Variants in CACNA1G observed in about 807,000 individuals in gnomAD.
CACNA1G encodes calcium voltage-gated channel subunit alpha1 G.
In CACNA1G, 67 loss-of-function variants were observed where a neutral mutation model predicts 219.4. The observed-to-expected ratio is 0.31, with a 90% confidence interval of 0.25 to 0.37. CACNA1G has a LOEUF of 0.37. Ranked by LOEUF, CACNA1G falls within the 10% of genes least tolerant of loss-of-function variation. The probability of loss-of-function intolerance (pLI) is 1.00; values close to 1 mark genes in which losing one functional copy is unlikely to be tolerated. For missense variants in CACNA1G, 2,380 were observed against 3,231.4 expected (o/e 0.74, Z 6.39); for synonymous variants, 1,296 against 1,345.3 (o/e 0.96, Z 0.80).
Position 50,626,754 on chromosome 17 carries a change from C to T in CACNA1G, c.*3C>T. 2 of 1,613,076 alleles carry T rather than the reference C, an allele frequency of 1.2e-6. No individual in the cohort carries two copies. Among genetic ancestry groups the T allele is most frequent in the Non-Finnish European group, 1.7e-6 (2 of 1,179,900 alleles). ...ACCCAGCAGACCTGGACCCCTGAGT[C>T]CTGCCCCACTTTCCCACTCACCTTT... On this transcript the variant is annotated 3_prime_UTR_variant, in exon 38 of 38. Coordinates refer to ENST00000359106, the MANE Select transcript of CACNA1G (RefSeq NM_018896.5). This position sits in a 1 kb window ranked among gnomAD's most constrained non-coding sequence, Gnocchi z 4.3.
intron 37 of CACNA1G, 48 bp from the exon 38 acceptor site, chr17:50,625,969 A>G (rs1419349843): frequency 1.3e-6 from 2 of 1,554,262 alleles, no homozygotes; most frequent in South Asian, 2.4e-5. Context: ...GGGCTAGTCC[A>G]TGCTGGAGAG....
At chr17:50,574,664 C>A (rs11659108) in intron 7 of CACNA1G, among the ~76,000 whole-genome samples, 1 of 152,192 alleles carries the variant, frequency 6.6e-6, no homozygotes, top group African/African-American at 2.4e-5. Context: ...CACACACCCC[C>A]TGAAAAATCT....
chr17:50,602,058 C>T (rs2046791081), intron 19 of CACNA1G, among the ~76,000 whole-genome samples: 1 of 152,224 alleles, frequency 6.6e-6, no homozygotes, highest in African/African-American at 2.4e-5. Context: ...CAGGGTAAGG[C>T]AGGGGCGCTG....
At position 50,600,584 on chromosome 17, in the gene CACNA1G, T is replaced by A; in HGVS notation, c.3691-142T>A. On this transcript the variant is annotated intron_variant, in intron 17 of 37. Transcript: ENST00000359106. The surrounding 1 kb of genome is among the most constrained non-coding windows in gnomAD (Gnocchi z 4.1). ...GGAGATGAGGAGGTGGCTTTAGGAA[T>A]AAAGGAAGAGAGGCAGGGCAGAGCT... 1.5e-6 allele frequency: 1 copy of A among 686,988 alleles called. No individual in the cohort carries two copies. Among genetic ancestry groups the A allele is most frequent in the Non-Finnish European group, 2.6e-6 (1 of 388,080 alleles). The allele number at this position is 686,988 out of a possible 1,614,324, so 42.6% of individuals were successfully genotyped here. A position where few individuals can be genotyped will look rare whatever the true frequency, so the allele number is the denominator to read the frequency against.
intron 4 of CACNA1G, 57 bp downstream of exon 4, chr17:50,569,860 C>G: frequency 7.7e-7 from 1 of 1,305,764 alleles, no homozygotes; most frequent in East Asian, 2.5e-5. Flanking sequence ...AAATGTGGAA[C>G]TCTCAGACCC....
chr17:50,596,307 G>T lies in CACNA1G; in HGVS notation c.2980-255G>T, dbSNP rs965298254. ...CCAGCCTTGGTGACCGTTCAGCCAGGCTGGTTGTGCTGTGGGCTCACATAA... is the reference window on the plus strand; with the variant it reads ...CCAGCCTTGGTGACCGTTCAGCCAGTCTGGTTGTGCTGTGGGCTCACATAA... On this transcript the variant is annotated intron_variant, in intron 14 of 37. Transcript: ENST00000359106. The surrounding 1 kb of genome is among the most constrained non-coding windows in gnomAD (Gnocchi z 4.8). Among the ~76,000 whole-genome samples the T allele has an allele frequency of 6.6e-6, 1 of 152,206 alleles. No homozygotes were observed. The highest frequency in any genetic ancestry group is 1.5e-5 in the Non-Finnish European group (1 of 68,042).
rs1267190143 is a variant in CACNA1G, at chr17:50,596,850, T to C, written c.3185T>C (p.Leu1062Pro). Residue 1062 changes from leucine to proline, a missense_variant, in exon 16 of 38, where the codon CTG (leucine) becomes CCG (proline). Leu to Pro is a moderately conservative substitution (Grantham distance 98). Transcript: ENST00000359106. The surrounding 1 kb of genome is among the most constrained non-coding windows in gnomAD (Gnocchi z 4.8). ...KSTSTGLGEA[L>P]GPASRRTSSS... Reference sequence around the variant, plus strand: ...ACCAGCACGGGCCTGGGCGAGGCGCTGGGCCCTGCGTCGCGCCGCACCAGC... The same window carrying C: ...ACCAGCACGGGCCTGGGCGAGGCGCCGGGCCCTGCGTCGCGCCGCACCAGC... 4 of 1,603,886 alleles carry C rather than the reference T, an allele frequency of 2.5e-6. No homozygotes were observed. Among genetic ancestry groups the C allele is most frequent in the Non-Finnish European group, 3.4e-6 (4 of 1,176,392 alleles).
chr17:50,588,652 G>A lies in CACNA1G; in HGVS notation c.2302-1819G>A, dbSNP rs78230310. On this transcript the variant is annotated intron_variant, in intron 9 of 37. Transcript: ENST00000359106. Reference sequence around the variant, plus strand: ...GGCAGTGCCCCCACTCACAATCCACGGAGCTACGACTTACTTGAGATCTGC... The same window carrying A: ...GGCAGTGCCCCCACTCACAATCCACAGAGCTACGACTTACTTGAGATCTGC... 3.6e-3 allele frequency among the ~76,000 whole-genome samples: 547 copies of A among 152,140 alleles called. 10 individuals carry two copies. In the East Asian group the frequency reaches 0.07, roughly 19 times the overall value.
intron 28 of CACNA1G, 80 bp downstream of exon 28, chr17:50,616,464 C>T: frequency 1.2e-6 from 1 of 857,894 alleles, no homozygotes; most frequent in Non-Finnish European, 1.9e-6. Context: ...CCCAGGAAGA[C>T]CTAGTGTCTA....
chr17:50,598,431 G>A (rs574017422), intron 16 of CACNA1G, among the ~76,000 whole-genome samples: 3 of 152,318 alleles, frequency 2.0e-5, no homozygotes, highest in East Asian at 1.9e-4. Flanking sequence ...CCCGTATCTC[G>A]TCCACATACT....
At chr17:50,598,176 T>A (rs991076996) in intron 16 of CACNA1G, among the ~76,000 whole-genome samples, 11 of 152,220 alleles carry the variant, frequency 7.2e-5, no homozygotes, top group African/African-American at 2.7e-4. Context: ...TATAGGCATG[T>A]GCCACCATGT....
At chr17:50,594,870 C>T (rs1311414710) in intron 13 of CACNA1G, 123 bp from the exon 14 acceptor site, 3 of 662,582 alleles carry the variant, frequency 4.5e-6, no homozygotes, top group Non-Finnish European at 8.0e-6. Context: ...CCGTGTCTCT[C>T]AGTTCCCCTG....
At chr17:50,580,178 T>C (rs2041638602) in intron 9 of CACNA1G, among the ~76,000 whole-genome samples, 1 of 152,126 alleles carries the variant, frequency 6.6e-6, no homozygotes, top group Admixed American at 6.5e-5. Context: ...ATGTTGTGTC[T>C]GGGCTACGTG....
At position 50,578,012 on chromosome 17, in the gene CACNA1G, T is replaced by C. The variant is rs1191393087; in HGVS notation, c.1925-176T>C. Reference sequence around the variant, plus strand: ...AAGTGCTATTGACATTAGGGCATCTTGTGGGTCAAGACTGCCCACCTTGCC... The same window carrying C: ...AAGTGCTATTGACATTAGGGCATCTCGTGGGTCAAGACTGCCCACCTTGCC... On this transcript the variant is annotated intron_variant, in intron 8 of 37. Coordinates refer to ENST00000359106, the MANE Select transcript of CACNA1G (RefSeq NM_018896.5). The surrounding 1 kb of genome is among the most constrained non-coding windows in gnomAD (Gnocchi z 4.5). 2.0e-5 allele frequency among the ~76,000 whole-genome samples: 3 copies of C among 152,160 alleles called. No homozygotes were observed. The highest frequency in any genetic ancestry group is 4.4e-5 in the Non-Finnish European group (3 of 68,020).
In CACNA1G at chr17:50,605,931, G is replaced by A. The variant is rs377703518; in HGVS notation, c.4330G>A (p.Glu1444Lys). ...AGGGAAGTTTTTCGTGTGCCAGGGC[G>A]AGGATACCAGGAACATCACCAATAA... ...FKGKFFVCQG[E>K]DTRNITNKSD... The change falls in exon 23 of 38, where the codon GAG becomes AAG. Residue 1444 changes from glutamate (E) to lysine (K), a missense_variant. By Grantham distance (56) the Glu-to-Lys change is moderately conservative. This residue lies in a region of CACNA1G where 153 missense variants were observed against 374.9 expected (regional missense o/e 0.41). Coordinates refer to ENST00000359106, the MANE Select transcript of CACNA1G (RefSeq NM_018896.5). The A allele has an allele frequency of 9.1e-5, 147 of 1,613,456 alleles. No homozygotes were observed. Among genetic ancestry groups the A allele is most frequent in the Non-Finnish European group, 1.2e-4 (142 of 1,179,874 alleles).
chr17:50,577,862 T>C (rs75998543), intron 8 of CACNA1G, among the ~76,000 whole-genome samples: 3 of 152,208 alleles, frequency 2.0e-5, no homozygotes, highest in South Asian at 4.2e-4. Context: ...TCCTGGCTTC[T>C]GGGAAGGGGA....
chr17:50,570,557 C>CTG (rs3062844), intron 4 of CACNA1G, among the ~76,000 whole-genome samples: 1,886 of 132,674 alleles, frequency 0.014, 22 homozygotes, highest in African/African-American at 0.016. Context: ...CCCCTGCGCT[C>CTG]TGTGTGTGTG....
chr17:50,597,886 A>G (rs1391524197), intron 16 of CACNA1G, among the ~76,000 whole-genome samples: 1 of 152,184 alleles, frequency 6.6e-6, no homozygotes, highest in African/African-American at 2.4e-5. Flanking sequence ...TATAAGTGAG[A>G]TCATATGGTA....
In CACNA1G at chr17:50,620,882, A is replaced by G. The variant is rs560416069; in HGVS notation, c.5926-778A>G. On this transcript the variant is annotated intron_variant, in intron 34 of 37. Transcript: ENST00000359106. ...TCACAGGGAAAGGTTGTGGGAGAAGAGGACACGATGGGAAGGTGATGGGGT... is the reference window on the plus strand; with the variant it reads ...TCACAGGGAAAGGTTGTGGGAGAAGGGGACACGATGGGAAGGTGATGGGGT... Among the ~76,000 whole-genome samples the G allele has an allele frequency of 5.3e-5, 8 of 152,330 alleles. No homozygotes were observed. In the South Asian group the frequency reaches 1.7e-3, roughly 32 times the overall value.
Sources: gnomAD v4.1 joint callset for allele counts (sites outside exome capture counted in the v4.1 genomes callset) on GRCh38, gnomAD v4.1.1 for gene constraint, gnomAD v4.1.1 regional missense constraint, Gnocchi (gnomAD v3.1) non-coding constraint, MANE v1.5 for transcripts, NCBI Gene and HGNC (gene_info 2026-07-23, HGNC 2026-07-21) for gene names.